Variants in MAPK8 observed in about 807,000 individuals in gnomAD.
The protein encoded by MAPK8 is JUN N-terminal kinase.
In MAPK8, 13 loss-of-function variants were observed where a neutral mutation model predicts 52.9. The ratio of observed to expected loss-of-function variants is 0.25; its 90% CI spans 0.16 to 0.39. The LOEUF (loss-of-function observed/expected upper bound fraction) is 0.39, where lower values mean the gene tolerates loss of function less well. Among genes scored for constraint, MAPK8 ranks in the 10% least tolerant of loss-of-function variants. The pLI, the probability that MAPK8 is intolerant of heterozygous loss-of-function variation, is 1.00. For missense variants in MAPK8, 300 were observed against 519.2 expected (o/e 0.58, Z 4.10); for synonymous variants, 191 against 169.8 (o/e 1.12, Z -0.97).
chr10:48,344,291 GCA>G (rs1845565100), intron 1 of MAPK8, among the ~76,000 whole-genome samples: 2 of 152,244 alleles, frequency 1.3e-5, no homozygotes, highest in Admixed American at 1.3e-4. Flanking sequence ...TTTTAAACCT[GCA>G]CAGATTTTGT....
chr10:48,311,857 A>T (rs1842011114), intron 1 of MAPK8, among the ~76,000 whole-genome samples: 1 of 152,226 alleles, frequency 6.6e-6, no homozygotes, highest in Non-Finnish European at 1.5e-5. Flanking sequence ...ATCTACTATG[A>T]GATGACACTG....
intron 1 of MAPK8, among the ~76,000 whole-genome samples, chr10:48,350,149 C>CCAGGG (rs929679746): frequency 6.6e-6 from 1 of 152,070 alleles, no homozygotes; most frequent in Non-Finnish European, 1.5e-5. Context: ...AAAAAAAAGC[C>CCAGGG]CAGGACCAGA....
chr10:48,403,654 A>G (rs2042278462), intron 2 of MAPK8, among the ~76,000 whole-genome samples: 2 of 152,136 alleles, frequency 1.3e-5, no homozygotes. Context: ...ACCAACCATA[A>G]ATTAAATTTA....
intron 1 of MAPK8, among the ~76,000 whole-genome samples, chr10:48,319,958 C>G (rs2132140259): frequency 1.3e-5 from 2 of 151,954 alleles, no homozygotes; most frequent in Middle Eastern, 6.8e-3. Flanking sequence ...CCCTTGTTGC[C>G]CAGGCTGGAG....
intron 1 of MAPK8, among the ~76,000 whole-genome samples, chr10:48,338,313 A>G (rs1844894262): frequency 6.6e-6 from 1 of 152,190 alleles, no homozygotes; most frequent in Non-Finnish European, 1.5e-5. Flanking sequence ...ACAAATCAAT[A>G]AATGTAATTC....
chr10:48,354,018 A>T (rs1846599204), intron 1 of MAPK8, among the ~76,000 whole-genome samples: 1 of 152,190 alleles, frequency 6.6e-6, no homozygotes, highest in Non-Finnish European at 1.5e-5. Flanking sequence ...ATACACACAC[A>T]CTGTACTAAT....
chr10:48,399,470 A>T (rs765963412), intron 1 of MAPK8, among the ~76,000 whole-genome samples: 3 of 152,056 alleles, frequency 2.0e-5, no homozygotes, highest in Non-Finnish European at 4.4e-5. Flanking sequence ...AGTTGTGACT[A>T]TCCATGCTCA....
chr10:48,335,439 AATT>A (rs1333519898), intron 1 of MAPK8, among the ~76,000 whole-genome samples: 1 of 152,150 alleles, frequency 6.6e-6, no homozygotes, highest in Admixed American at 6.5e-5. Context: ...AATATCAAAA[AATT>A]ATTTATTACT....
At chr10:48,417,912 G>A (rs1391107024) in intron 5 of MAPK8, among the ~76,000 whole-genome samples, 1 of 152,154 alleles carries the variant, frequency 6.6e-6, no homozygotes, top group African/African-American at 2.4e-5. Flanking sequence ...AACTACTGAA[G>A]TTTTGCTTTC....
At chr10:48,314,412 A>G (rs923071157) in intron 1 of MAPK8, among the ~76,000 whole-genome samples, 1 of 152,212 alleles carries the variant, frequency 6.6e-6, no homozygotes, top group African/African-American at 2.4e-5. Flanking sequence ...CAGACAGTCC[A>G]TAACATCATT....
At position 48,435,046 on chromosome 10, in the gene MAPK8, G is replaced by T. The variant is rs377754613; in HGVS notation, c.*17G>T. ...TGTAGATGACTACTTGGGCCATCGGGGGGTGGGAGGGATGGGGAGTCGGTT... is the reference window on the plus strand; with the variant it reads ...TGTAGATGACTACTTGGGCCATCGGTGGGTGGGAGGGATGGGGAGTCGGTT... On this transcript the variant is annotated 3_prime_UTR_variant, in exon 12 of 12. Transcript: ENST00000374189. The T allele has an allele frequency of 3.5e-5, 53 of 1,506,072 alleles. No individual in the cohort carries two copies. The South Asian group carries it at 4.4e-4, about 13-fold the overall frequency. The allele number at this position is 1,506,072 out of a possible 1,614,324, so 93.3% of individuals were successfully genotyped here.
In MAPK8 at chr10:48,405,121, A is replaced by G. The variant is rs575230531; in HGVS notation, c.252+140A>G. On this transcript the variant is annotated intron_variant, in intron 3 of 11. Coordinates refer to ENST00000374189, the MANE Select transcript of MAPK8 (RefSeq NM_001323329.2). ...GTTTAAAAGGGATATATATATATAT[A>G]TATATATCTACAGGGTGATTTTCCT... The G allele has an allele frequency of 6.3e-3, 1,692 of 269,414 alleles. 24 individuals carry two copies. Among genetic ancestry groups the G allele is most frequent in the African/African-American group, 0.023 (1,017 of 45,144 alleles). The allele number at this position is 269,414 out of a possible 1,614,324, so 16.7% of individuals were successfully genotyped here.
At chr10:48,421,642 TG>T (rs1389207279) in intron 6 of MAPK8, among the ~76,000 whole-genome samples, 1 of 152,124 alleles carries the variant, frequency 6.6e-6, no homozygotes, top group Non-Finnish European at 1.5e-5. Context: ...CTGTCTCTAC[TG>T]AAAGTACAGA....
At chr10:48,377,418 A>G (rs942094345) in intron 1 of MAPK8, among the ~76,000 whole-genome samples, 4 of 152,170 alleles carry the variant, frequency 2.6e-5, no homozygotes, top group African/African-American at 9.7e-5. Context: ...ATATCCAGAT[A>G]TCCACTCCCT....
At chr10:48,403,674 A>G (rs930669306) in intron 2 of MAPK8, among the ~76,000 whole-genome samples, 6 of 152,032 alleles carry the variant, frequency 3.9e-5, no homozygotes, top group East Asian at 3.8e-4. Context: ...AAAGAAAATC[A>G]TATTATATAG....
chr10:48,362,049 G>T (rs1390532399), intron 1 of MAPK8, among the ~76,000 whole-genome samples: 1 of 152,126 alleles, frequency 6.6e-6, no homozygotes, highest in East Asian at 1.9e-4. Flanking sequence ...CTCAGATGTG[G>T]TTTGCCAGTG....
At chr10:48,310,569 C>T (rs1841880946) in intron 1 of MAPK8, among the ~76,000 whole-genome samples, 2 of 152,104 alleles carry the variant, frequency 1.3e-5, no homozygotes, top group African/African-American at 4.8e-5. Flanking sequence ...AAAATGAGTT[C>T]ATTATCCTCA....
At chr10:48,371,634 A>G (rs1335111641) in intron 1 of MAPK8, among the ~76,000 whole-genome samples, 1 of 152,072 alleles carries the variant, frequency 6.6e-6, no homozygotes, top group African/African-American at 2.4e-5. Flanking sequence ...ATTTCTCTCC[A>G]ACAGACACCA....
chr10:48,377,057 T>C (rs2040712006), intron 1 of MAPK8, among the ~76,000 whole-genome samples: 1 of 152,290 alleles, frequency 6.6e-6, no homozygotes, highest in East Asian at 1.9e-4. Flanking sequence ...TGAGTTCATG[T>C]CCTTTGCAGG....
Sources: allele counts gnomAD v4.1 joint callset (sites outside exome capture counted in the v4.1 genomes callset), GRCh38; gene constraint gnomAD v4.1.1; transcripts MANE v1.5; gene names NCBI Gene and HGNC (gene_info 2026-07-23, HGNC 2026-07-21).